Variants in DNAJC10 observed in about 807,000 individuals in gnomAD.
DNAJC10 encodes endoplasmic reticulum disulfide reductase DNAJC10.
Under a neutral mutation model 115.0 loss-of-function variants are expected in DNAJC10, and 101 were observed. The observed-to-expected ratio is 0.88, with a 90% CI of 0.75 to 1.04. The LOEUF (loss-of-function observed/expected upper bound fraction) is 1.04, where lower values mean the gene tolerates loss of function less well. Ranked by LOEUF, DNAJC10 falls within the 50% of genes least tolerant of loss-of-function variation. The probability of loss-of-function intolerance (pLI) is 0.00; values close to 1 mark genes in which losing one functional copy is unlikely to be tolerated. For synonymous variants in DNAJC10, 307 were observed against 301.5 expected, an observed-to-expected ratio of 1.02 and a Z score of -0.19; for missense variants, 981 against 928.8, an observed-to-expected ratio of 1.06 and a Z score of -0.73.
intron 7 of DNAJC10, 47 bp from the exon 8 acceptor site, chr2:182,729,801 T>TA: frequency 7.6e-7 from 1 of 1,314,612 alleles, no homozygotes; most frequent in Non-Finnish European, 1.1e-6. Context: ...TATTGAGTTT[T>TA]AAAAAGAAAA....
intron 15 of DNAJC10, 112 bp downstream of exon 15, chr2:182,751,897 A>C (rs908677351): frequency 2.2e-6 from 3 of 1,394,036 alleles, no homozygotes; most frequent in Non-Finnish European, 3.0e-6. Context: ...GTGTCATTCC[A>C]TTATGGCCAC....
At position 182,730,577 on chromosome 2, in the gene DNAJC10, A is replaced by G. The variant is rs558675473; in HGVS notation, c.728-453A>G. ...ATGTGTAAAACAACCCAGTTGGGGAAAAGAGAAAGAGTTAGAAAATACTTC... is the reference window on the plus strand; with the variant it reads ...ATGTGTAAAACAACCCAGTTGGGGAGAAGAGAAAGAGTTAGAAAATACTTC... On this transcript the variant is annotated intron_variant, in intron 8 of 23. Transcript: ENST00000264065. 13 of 451,564 alleles carry G rather than the reference A, an allele frequency of 2.9e-5. No individual in the cohort carries two copies. The East Asian group carries it at 9.1e-4, about 31-fold the overall frequency. The allele number at this position is 451,564 out of a possible 1,614,324, so 28.0% of individuals were successfully genotyped here.
chr2:182,765,028 G>A (rs910156249), intron 22 of DNAJC10, among the ~76,000 whole-genome samples: 7 of 152,134 alleles, frequency 4.6e-5, no homozygotes, highest in African/African-American at 1.7e-4. Flanking sequence ...CCACTGGATG[G>A]CCTCACACTT....
intron 5 of DNAJC10, among the ~76,000 whole-genome samples, chr2:182,724,957 CTTT>C (rs569795219): frequency 6.6e-6 from 1 of 152,048 alleles, no homozygotes; most frequent in South Asian, 2.1e-4. Context: ...AGATAATGCA[CTTT>C]TTTTTCCTTA....
At chr2:182,762,593 A>T in intron 21 of DNAJC10, 89 bp from the exon 22 acceptor site, 1 of 1,336,180 alleles carries the variant, frequency 7.5e-7, no homozygotes, top group South Asian at 1.3e-5. Context: ...AAATTCTTAG[A>T]TTCAAAATGT....
rs374862621 is a variant in DNAJC10, at chr2:182,763,633, A to G, written c.2265+832A>G. Among the ~76,000 whole-genome samples the G allele has an allele frequency of 2.0e-5, 3 of 152,136 alleles. No individual in the cohort carries two copies. The East Asian group carries it at 5.8e-4, about 29-fold the overall frequency. On this transcript the variant is annotated intron_variant, in intron 22 of 23. Transcript: ENST00000264065. ...CCACTCCTGTCCTGTTTTCGGGATC[A>G]AGGAATTTCATTCTCATGCACAAAT...
At chr2:182,735,076 T>C (rs1165961232) in intron 10 of DNAJC10, among the ~76,000 whole-genome samples, 1 of 151,796 alleles carries the variant, frequency 6.6e-6, no homozygotes, top group Non-Finnish European at 1.5e-5. Context: ...TAGTTTTATA[T>C]TTGTCCTACC....
In DNAJC10 at chr2:182,780,615, A is replaced by G. The variant is rs1432430848; in HGVS notation, c.*3483A>G. On this transcript the variant is annotated 3_prime_UTR_variant, in exon 24 of 24. Coordinates refer to ENST00000264065, the MANE Select transcript of DNAJC10 (RefSeq NM_018981.4). ...CAGTAAGAATTACAAAATTTAGGCC[A>G]ATGACCAAGCTGAGTATAAATTACT... 3.9e-5 allele frequency: 6 copies of G among 152,206 alleles called. No individual in the cohort carries two copies. Among genetic ancestry groups the G allele is most frequent in the African/African-American group, 1.4e-4 (6 of 41,458 alleles). The allele number at this position is 152,206 out of a possible 1,614,324, so 9.4% of individuals were successfully genotyped here. A position where few individuals can be genotyped will look rare whatever the true frequency, so the allele number is the denominator to read the frequency against.
chr2:182,747,574 G>T (rs1473092645), intron 14 of DNAJC10, among the ~76,000 whole-genome samples: 1 of 151,950 alleles, frequency 6.6e-6, no homozygotes, highest in Non-Finnish European at 1.5e-5. Context: ...TTTGCACATT[G>T]ATTTTGTATC....
At chr2:182,757,994 G>T (rs576555257) in intron 19 of DNAJC10, among the ~76,000 whole-genome samples, 169 bp downstream of exon 19, 2 of 152,266 alleles carry the variant, frequency 1.3e-5, no homozygotes, top group South Asian at 4.1e-4. Flanking sequence ...AGGGAGTATT[G>T]AACAGTCTCA....
chr2:182,788,947 T>A lies in DNAJC10; in HGVS notation c.*11815T>A. 1.3e-5 allele frequency: 5 copies of A among 395,756 alleles called. No homozygotes were observed. Among genetic ancestry groups the A allele is most frequent in the South Asian group, 9.8e-5 (5 of 50,814 alleles). 24.5% of individuals were successfully genotyped at this position (395,756 alleles called of 1,614,324 possible). On this transcript the variant is annotated 3_prime_UTR_variant, in exon 24 of 24. Transcript: ENST00000264065. Reference sequence around the variant, plus strand: ...TACATGTAACAAAATTTATTAATCATTTTAAAGTAGCATACAGTTCAGTAG... The same window carrying A: ...TACATGTAACAAAATTTATTAATCAATTTAAAGTAGCATACAGTTCAGTAG...
Position 182,782,253 on chromosome 2 carries a change from T to G in DNAJC10, c.*5121T>G, listed in dbSNP as rs559802273. ...GTCAGGTTTGTCAAAGATCAGATGG[T>G]TGTAGAAGTGTGGCGTTATTTCTGA... On this transcript the variant is annotated 3_prime_UTR_variant, in exon 24 of 24. Coordinates refer to ENST00000264065, the MANE Select transcript of DNAJC10 (RefSeq NM_018981.4). 5.9e-5 allele frequency: 9 copies of G among 152,216 alleles called. No individual in the cohort carries two copies. Among genetic ancestry groups the G allele is most frequent in the African/African-American group, 2.2e-4 (9 of 41,448 alleles). The allele number at this position is 152,216 out of a possible 1,614,324, so 9.4% of individuals were successfully genotyped here.
At position 182,716,289 on chromosome 2, in the gene DNAJC10, A is replaced by C. The variant is rs1263312419; in HGVS notation, c.-398A>C. On this transcript the variant is annotated 5_prime_UTR_variant, in exon 1 of 24. Coordinates refer to ENST00000264065, the MANE Select transcript of DNAJC10 (RefSeq NM_018981.4). ...CGCCGTGGAGACCGGCGCGTGAGGAACCTACCGGTACCGGCCGCGCGCTGG... is the reference window on the plus strand; with the variant it reads ...CGCCGTGGAGACCGGCGCGTGAGGACCCTACCGGTACCGGCCGCGCGCTGG... The C allele has an allele frequency of 6.6e-6, 1 of 152,212 alleles. No homozygotes were observed. Among genetic ancestry groups the C allele is most frequent in the Non-Finnish European group, 1.5e-5 (1 of 68,138 alleles). The allele number at this position is 152,212 out of a possible 1,614,324, so 9.4% of individuals were successfully genotyped here.
Position 182,718,113 on chromosome 2 carries a change from C to T in DNAJC10, c.27C>T (p.Asp9=), listed in dbSNP as rs1343024836. The T allele has an allele frequency of 3.7e-6, 6 of 1,610,338 alleles. No homozygotes were observed. Among genetic ancestry groups the T allele is most frequent in the Non-Finnish European group, 5.1e-6 (6 of 1,178,518 alleles). Residue 9 remains aspartate (D), a synonymous_variant, in exon 3 of 24, where the codon GAC becomes GAT. Coordinates refer to ENST00000264065, the MANE Select transcript of DNAJC10 (RefSeq NM_018981.4). MGVWLNKD[D]YIRDLKRIIL... ...TGGGAGTCTGGTTAAATAAAGATGA[C>T]TATATCAGAGACTTGAAAAGGATCA... is the stretch of plus-strand genomic sequence containing the variant.
chr2:182,724,171 A>C lies in DNAJC10; in HGVS notation c.418+2096A>C, dbSNP rs187529889. On this transcript the variant is annotated intron_variant, in intron 5 of 23. Transcript: ENST00000264065. ...AAGGATTGCGGGGATTAAATTTAAT[A>C]TAAGCCCTAAATAAGACATTACCTT... Among the ~76,000 whole-genome samples, 893 of 152,338 alleles carry C rather than the reference A, an allele frequency of 5.9e-3. 1 individual carries two copies. The highest frequency in any genetic ancestry group is 8.3e-3 in the Non-Finnish European group (567 of 68,018).
intron 22 of DNAJC10, among the ~76,000 whole-genome samples, chr2:182,765,402 G>T (rs1162387804): frequency 6.6e-6 from 1 of 151,964 alleles, no homozygotes; most frequent in African/African-American, 2.4e-5. Flanking sequence ...TTAAAAACGG[G>T]GATTTAAAAC....
chr2:182,772,645 TTTTGTTTTG>T (rs1694597880), intron 22 of DNAJC10, among the ~76,000 whole-genome samples: 4 of 147,912 alleles, frequency 2.7e-5, no homozygotes, highest in Non-Finnish European at 4.4e-5. Context: ...ACCCATGGTG[TTTTGTTTTG>T]TTTTGTTTTG....
intron 17 of DNAJC10, among the ~76,000 whole-genome samples, chr2:182,755,638 C>T (rs978556092): frequency 6.6e-6 from 1 of 152,144 alleles, no homozygotes; most frequent in Admixed American, 6.6e-5. Flanking sequence ...TATTACCTGA[C>T]TGTTGTAGGC....
intron 21 of DNAJC10, among the ~76,000 whole-genome samples, chr2:182,761,026 C>T (rs2105686297): frequency 6.6e-6 from 1 of 152,028 alleles, no homozygotes; most frequent in South Asian, 2.1e-4. Flanking sequence ...ATTTATTCAA[C>T]AAATTTTAAG....
Sources: allele counts gnomAD v4.1 joint callset (sites outside exome capture counted in the v4.1 genomes callset), GRCh38; gene constraint gnomAD v4.1.1; transcripts MANE v1.5; gene names NCBI Gene and HGNC (gene_info 2026-07-23, HGNC 2026-07-21).